The following CAD variants were observed in gnomAD, a reference collection of about 807,000 sequenced individuals.
CAD encodes multifunctional protein CAD.
Under a neutral mutation model 237.2 loss-of-function variants are expected in CAD, and 81 were observed. That is an observed-to-expected ratio of 0.34 (90% confidence interval 0.29 to 0.41). The LOEUF is 0.41. Among genes scored for constraint, CAD ranks in the 10% least tolerant of loss-of-function variants. The probability of loss-of-function intolerance (pLI) is 1.00; values close to 1 mark genes in which losing one functional copy is unlikely to be tolerated. For synonymous variants in CAD, 1,196 were observed against 1,162.8 expected (o/e 1.03, Z -0.58); for missense variants, 2,181 against 2,951.7 (o/e 0.74, Z 6.05).
At position 27,225,031 on chromosome 2, in the gene CAD, G is replaced by A. The variant is rs748934301; in HGVS notation, c.1408G>A (p.Asp470Asn). 3.2e-5 allele frequency: 52 copies of A among 1,611,080 alleles called. No homozygotes were observed. Among genetic ancestry groups the A allele is most frequent in the Middle Eastern group, 1.6e-4 (1 of 6,074 alleles). Residue 470 changes from aspartate to asparagine, a missense_variant, in exon 11 of 44, where the codon GAT becomes AAT. Physicochemically the swap from Asp to Asn is conservative, Grantham distance 23. This residue lies in a region of CAD where 174 missense variants were observed against 215.8 expected (regional missense o/e 0.81). Transcript: ENST00000264705. ...VTQVIRNERPDGVLLTFGGQT... is the reference protein window; with the variant it reads ...VTQVIRNERPNGVLLTFGGQT... ...TCAGGTGATACGTAATGAACGCCCCGATGGTGTGTTACTGACTTTTGGGGG... is the reference window on the plus strand; with the variant it reads ...TCAGGTGATACGTAATGAACGCCCCAATGGTGTGTTACTGACTTTTGGGGG...
At chr2:27,231,649 A>G in intron 16 of CAD, 69 bp downstream of exon 16, 1 of 950,078 alleles carries the variant, frequency 1.1e-6, no homozygotes, top group Middle Eastern at 2.7e-4. Context: ...CCAGACCATG[A>G]GCTTGTTACC....
At chr2:27,217,738 C>T (rs928032836) in intron 1 of CAD, 105 bp downstream of exon 1, 3 of 1,432,256 alleles carry the variant, frequency 2.1e-6, no homozygotes, top group Non-Finnish European at 2.9e-6. Flanking sequence ...AGCGTACCCC[C>T]TTCCCCCATT....
chr2:27,221,866 T>C (rs1675189084), intron 3 of CAD, among the ~76,000 whole-genome samples: 1 of 145,630 alleles, frequency 6.9e-6, no homozygotes, highest in South Asian at 2.4e-4. Flanking sequence ...TGTAACCTAT[T>C]TGAAAACAGG....
At position 27,237,553 on chromosome 2, in the gene CAD, A is replaced by G. The variant is rs1676074286; in HGVS notation, c.4563+8A>G. ...CTGGCCCTGGCCCAGAAGGTGAGCC[A>G]CTGCACTCTTCCTGGTATTGGAGAC... On this transcript the variant is annotated splice_region_variant and intron_variant, in intron 28 of 43. Transcript: ENST00000264705. The surrounding 1 kb of genome is among the most constrained non-coding windows in gnomAD (Gnocchi z 4.0). 1 of 1,611,276 alleles carries G rather than the reference A, an allele frequency of 6.2e-7. No individual in the cohort carries two copies. The highest frequency in any genetic ancestry group is 1.3e-5 in the African/African-American group (1 of 74,878).
In CAD at chr2:27,242,754, G is replaced by A; in HGVS notation, c.6357G>A (p.Val2119=). ...LRMPPTVRAF[V]ASRGTKQEEF... is the part of the protein sequence containing the mutation. ...TGCCACCCACTGTGCGGGCCTTCGT[G>A]GCCTCCCGCGGCACCAAGCAGGTGA... Residue 2119 remains valine, a synonymous_variant, in exon 41 of 44, where the codon GTG becomes GTA. Transcript: ENST00000264705. The surrounding 1 kb of genome is among the most constrained non-coding windows in gnomAD (Gnocchi z 6.4). The A allele has an allele frequency of 6.2e-7, 1 of 1,614,170 alleles. No homozygotes were observed. The highest frequency in any genetic ancestry group is 8.5e-7 in the Non-Finnish European group (1 of 1,180,040).
chr2:27,238,459 G>T lies in CAD; in HGVS notation c.4889G>T (p.Arg1630Leu). The change falls in exon 31 of 44, where the codon CGG becomes CTG. Residue 1630 changes from arginine to leucine, a missense_variant. Physicochemically the swap from Arg to Leu is moderately radical, Grantham distance 102 (BLOSUM62 -2). This residue lies in a region of CAD where 478 missense variants were observed against 515.0 expected (regional missense o/e 0.93). Transcript: ENST00000264705. ...EILLIKAAKARGLPVTCEVAP... is the reference protein window; with the variant it reads ...EILLIKAAKALGLPVTCEVAP... ...CTGCTAATTAAAGCTGCAAAGGCAC[G>T]GGGCTTGCCAGTGACCTGCGAGGTG... The T allele has an allele frequency of 6.9e-6, 11 of 1,596,158 alleles. No homozygotes were observed. Among genetic ancestry groups the T allele is most frequent in the Non-Finnish European group, 9.4e-6 (11 of 1,170,934 alleles).
intron 15 of CAD, among the ~76,000 whole-genome samples, chr2:27,228,749 G>A (rs1022132578): frequency 2.6e-5 from 4 of 151,808 alleles, no homozygotes; most frequent in Admixed American, 6.6e-5. Flanking sequence ...GTGCCATCAC[G>A]CCTGGCTAAT....
At position 27,231,579 on chromosome 2, in the gene CAD, T is replaced by C; in HGVS notation, c.2399T>C (p.Met800Thr). ...FDHTVKPVSD[M>T]ELETPTDKRI... ...CACACAGTGAAACCAGTCAGCGATA[T>C]GGTAAGTAGCTCCCCTCCCCTGGCA... The change falls in exon 16 of 44, where the codon ATG becomes ACG. Residue 800 changes from methionine (M) to threonine (T), a missense_variant and splice_region_variant. By Grantham distance (81) the Met-to-Thr change is moderately conservative (BLOSUM62 -1). This residue lies in a region of CAD where 385 missense variants were observed against 535.1 expected (regional missense o/e 0.72). Transcript: ENST00000264705. The C allele has an allele frequency of 6.3e-7, 1 of 1,595,108 alleles. No homozygotes were observed. Among genetic ancestry groups the C allele is most frequent in the Non-Finnish European group, 8.6e-7 (1 of 1,162,758 alleles).
At chr2:27,224,180 GCTT>G in intron 8 of CAD, 151 bp downstream of exon 8, 1 of 914,088 alleles carries the variant, frequency 1.1e-6, no homozygotes, top group African/African-American at 1.7e-5. Flanking sequence ...TACCGTTTAA[GCTT>G]CTGTTGAAAG....
intron 3 of CAD, 92 bp from the exon 4 acceptor site, chr2:27,222,101 TG>T: frequency 7.8e-7 from 1 of 1,275,438 alleles, no homozygotes; most frequent in Non-Finnish European, 1.1e-6. Context: ...TGTGTGTGAC[TG>T]GGGCTCTGGA....
intron 42 of CAD, 105 bp from the exon 43 acceptor site, chr2:27,243,093 A>G: frequency 3.0e-6 from 4 of 1,342,286 alleles, no homozygotes; most frequent in Non-Finnish European, 4.2e-6. Context: ...GTCAATTGCC[A>G]TAGCTGCATG....
intron 6 of CAD, 119 bp from the exon 7 acceptor site, chr2:27,223,444 A>AG (rs1239359676): frequency 2.0e-6 from 2 of 982,076 alleles, no homozygotes; most frequent in East Asian, 4.9e-5. Context: ...AAAAAAAAAA[A>AG]AACAAAAAGG....
In CAD at chr2:27,222,873, G is replaced by A; in HGVS notation, c.645G>A (p.Glu215=). The part of the protein sequence containing the change: ...WDHALDSQEY[E]GLFLSNGPGD... Reference sequence around the variant, plus strand: ...CTTTTCTGCCCACTCCAGAGTATGAGGGTCTCTTCTTAAGTAATGGGCCTG... The same window carrying A: ...CTTTTCTGCCCACTCCAGAGTATGAAGGTCTCTTCTTAAGTAATGGGCCTG... The change falls in exon 6 of 44, where the codon GAG becomes GAA. Residue 215 remains glutamate (E), a synonymous_variant. Transcript: ENST00000264705. 2.5e-6 allele frequency: 4 copies of A among 1,614,138 alleles called. No homozygotes were observed. Among genetic ancestry groups the A allele is most frequent in the Non-Finnish European group, 3.4e-6 (4 of 1,180,008 alleles).
At chr2:27,225,303 CTTTTTTT>C (rs1221617250) in intron 11 of CAD, 60 bp downstream of exon 11, 83 of 542,698 alleles carry the variant, frequency 1.5e-4, no homozygotes, top group Non-Finnish European at 2.1e-4. Context: ...GTGTTATTTT[CTTTTTTT>C]TTTTTTTTTT....
rs775680724 is a variant in CAD, at chr2:27,237,468, G to T, written c.4486G>T (p.Gly1496Cys). 6.2e-7 allele frequency: 1 copy of T among 1,614,144 alleles called. No homozygotes were observed. The highest frequency in any genetic ancestry group is 8.5e-7 in the Non-Finnish European group (1 of 1,180,002). ...AGGCACAGCCGCTGCCCTGGCTGGGGGTATCACCATGGTGTGTGCCATGCC... is the reference window on the plus strand; with the variant it reads ...AGGCACAGCCGCTGCCCTGGCTGGGTGTATCACCATGGTGTGTGCCATGCC... ...ASGTAAALAG[G>C]ITMVCAMPNT... The change falls in exon 28 of 44, where the codon GGT becomes TGT. Residue 1496 changes from glycine (G) to cysteine (C), a missense_variant. Coordinates refer to ENST00000264705, the MANE Select transcript of CAD (RefSeq NM_004341.5). The surrounding 1 kb of genome is among the most constrained non-coding windows in gnomAD (Gnocchi z 4.0).
chr2:27,242,580 TC>T lies in CAD; in HGVS notation c.6223-39del, dbSNP rs746090196. ...GCTTGGAAATGATGTCGGGGGGCAC[TC>T]AGTCTGGGATCCCTGTGGTGACTGG... On this transcript the variant is annotated intron_variant, in intron 40 of 43. Transcript: ENST00000264705. This position sits in a 1 kb window ranked among gnomAD's most constrained non-coding sequence, Gnocchi z 6.4. The T allele has an allele frequency of 1.3e-6, 2 of 1,565,464 alleles. No individual in the cohort carries two copies. The highest frequency in any genetic ancestry group is 1.7e-6 in the Non-Finnish European group (2 of 1,151,662).
Position 27,242,492 on chromosome 2 carries a change from G to T in CAD, c.6222+65G>T. 6.3e-7 allele frequency: 1 copy of T among 1,588,518 alleles called. No homozygotes were observed. The highest frequency in any genetic ancestry group is 1.3e-5 in the African/African-American group (1 of 74,580). On this transcript the variant is annotated intron_variant, in intron 40 of 43. Coordinates refer to ENST00000264705, the MANE Select transcript of CAD (RefSeq NM_004341.5). This position sits in a 1 kb window ranked among gnomAD's most constrained non-coding sequence, Gnocchi z 6.4. The stretch of plus-strand genomic sequence containing the variant: ...GATCTAGAGAGGGAGGCAGGAAGTG[G>T]TTACCCCGGTACAGGACAGCTGCAT...
rs536304604 is a variant in CAD at position 27,236,686 on chromosome 2, A to T, written c.4315-63A>T. On this transcript the variant is annotated intron_variant, in intron 26 of 43. Transcript: ENST00000264705. This position sits in a 1 kb window ranked among gnomAD's most constrained non-coding sequence, Gnocchi z 4.1. Reference sequence around the variant, plus strand: ...GCAGAGCCTGGTTTATGGGAAAACCACATCTCTCCCTACAACTCCCAGGAT... The same window carrying T: ...GCAGAGCCTGGTTTATGGGAAAACCTCATCTCTCCCTACAACTCCCAGGAT... 1.3e-6 allele frequency: 2 copies of T among 1,571,878 alleles called. No individual in the cohort carries two copies. Among genetic ancestry groups the T allele is most frequent in the East Asian group, 4.5e-5 (2 of 44,670 alleles).
At position 27,226,924 on chromosome 2, in the gene CAD, G is replaced by A; in HGVS notation, c.2249G>A (p.Arg750Gln). Reference protein sequence around the residue: ...IPRWDLSKFLRVSTKIGSCMK... With the variant: ...IPRWDLSKFLQVSTKIGSCMK... ...CGATGGGACCTTAGCAAGTTCCTGC[G>A]AGTCAGCACAAAGATTGGGAGCTGC... Residue 750 changes from arginine (R) to glutamine (Q), a missense_variant, in exon 15 of 44, where the codon CGA becomes CAA. Around this residue, in one of 12 missense-constraint regions of CAD, gnomAD observed 385 missense variants for 535.1 expected, o/e 0.72. Transcript: ENST00000264705. 4 of 1,614,114 alleles carry A rather than the reference G, an allele frequency of 2.5e-6. No homozygotes were observed. The highest frequency in any genetic ancestry group is 3.4e-6 in the Non-Finnish European group (4 of 1,179,984).
Sources: gnomAD v4.1 joint callset for allele counts (sites outside exome capture counted in the v4.1 genomes callset) on GRCh38, gnomAD v4.1.1 for gene constraint, gnomAD v4.1.1 regional missense constraint, Gnocchi (gnomAD v3.1) non-coding constraint, MANE v1.5 for transcripts, NCBI Gene and HGNC (gene_info 2026-07-23, HGNC 2026-07-21) for gene names.